FSIP1: variants seen among roughly 807,000 people sequenced by gnomAD.
FSIP1 encodes the protein fibrous sheath interacting protein 1.
Under a neutral mutation model 60.9 loss-of-function variants are expected in FSIP1, and 65 were observed. The ratio of observed to expected loss-of-function variants is 1.07; its 90% CI spans 0.87 to 1.31. The LOEUF (loss-of-function observed/expected upper bound fraction) is 1.31, where lower values mean the gene tolerates loss of function less well. Among genes scored for constraint, FSIP1 ranks in the 40% most tolerant of loss-of-function variants. The pLI, the probability that FSIP1 is intolerant of heterozygous loss-of-function variation, is 0.00. For missense variants in FSIP1, 675 were observed against 665.5 expected (o/e 1.01, Z -0.16); for synonymous variants, 209 against 221.2 (o/e 0.94, Z 0.49).
At chr15:39,770,405 A>T (rs200875392) in intron 3 of FSIP1, 22 bp downstream of exon 3, 2 of 1,507,058 alleles carry the variant, frequency 1.3e-6, no homozygotes, top group African/African-American at 1.4e-5. Context: ...ATCATTAGCC[A>T]ATCACCTAGT....
At chr15:39,703,992 T>C (rs1388044870) in intron 10 of FSIP1, among the ~76,000 whole-genome samples, 1 of 152,230 alleles carries the variant, frequency 6.6e-6, no homozygotes, top group Non-Finnish European at 1.5e-5. Context: ...CTGCATTAAA[T>C]GATGTAGAAA....
intron 5 of FSIP1, among the ~76,000 whole-genome samples, chr15:39,755,042 G>C (rs1169310330): frequency 6.6e-6 from 1 of 151,914 alleles, no homozygotes; most frequent in South Asian, 2.1e-4. Context: ...GGGAAACTGA[G>C]TGGTGTCTGT....
intron 10 of FSIP1, among the ~76,000 whole-genome samples, chr15:39,708,084 CT>C (rs1216153017): frequency 1.3e-5 from 2 of 152,198 alleles, no homozygotes; most frequent in Non-Finnish European, 2.9e-5. Flanking sequence ...CCCATTATCT[CT>C]TCATTCTAAC....
chr15:39,696,870 C>CTGTGTGTGTGTG (rs67940382), intron 10 of FSIP1, among the ~76,000 whole-genome samples: 2 of 111,838 alleles, frequency 1.8e-5, no homozygotes, highest in East Asian at 6.1e-4. Flanking sequence ...GAAGGGGTGT[C>CTGTGTGTGTGTG]TGTGTGTGTG....
chr15:39,765,314 C>G (rs1351148506), intron 4 of FSIP1, among the ~76,000 whole-genome samples: 9 of 142,856 alleles, frequency 6.3e-5, no homozygotes, highest in African/African-American at 2.1e-4. Context: ...ATCATAGCTA[C>G]TGCATAGCAT....
Position 39,713,540 on chromosome 15 carries a change from T to A in FSIP1, c.1092A>T (p.Pro364=). ...TGGTGTTCCTAAGTATCTTTTCTCC[T>A]GGAGTTACTTCCATATTTCTTTCAC... ...RDGERNMEVT[P]GEKILRNTKE... is the part of the protein sequence containing the mutation. The change falls in exon 10 of 12, where the codon CCA becomes CCT. Residue 364 remains proline, a synonymous_variant. Transcript: ENST00000350221. The A allele has an allele frequency of 6.2e-7, 1 of 1,607,866 alleles. No homozygotes were observed. The highest frequency in any genetic ancestry group is 8.5e-7 in the Non-Finnish European group (1 of 1,177,362).
chr15:39,763,970 T>C (rs2140703654), intron 4 of FSIP1, 56 bp from the exon 5 acceptor site: 1 of 942,174 alleles, frequency 1.1e-6, no homozygotes, highest in East Asian at 2.4e-5. Flanking sequence ...CTATAATCAT[T>C]GATTTTTTAA....
chr15:39,634,752 G>A (rs990367252), intron 10 of FSIP1, among the ~76,000 whole-genome samples: 3 of 152,182 alleles, frequency 2.0e-5, no homozygotes, highest in Non-Finnish European at 4.4e-5. Flanking sequence ...GTGAGGCATA[G>A]AGAATGAAGC....
chr15:39,726,303 G>T (rs1896191608), intron 9 of FSIP1, among the ~76,000 whole-genome samples: 1 of 152,152 alleles, frequency 6.6e-6, no homozygotes, highest in South Asian at 2.1e-4. Flanking sequence ...ACTCGTGAGT[G>T]CCATATCCGC....
At chr15:39,698,725 T>G (rs1365845124) in intron 10 of FSIP1, among the ~76,000 whole-genome samples, 2 of 152,196 alleles carry the variant, frequency 1.3e-5, no homozygotes, top group East Asian at 3.8e-4. Context: ...TCAAACTCGC[T>G]TCCCACAGGG....
At chr15:39,768,568 A>G (rs557696643) in intron 3 of FSIP1, among the ~76,000 whole-genome samples, 29 of 152,374 alleles carry the variant, frequency 1.9e-4, no homozygotes, top group African/African-American at 7.0e-4. Flanking sequence ...TATCTGGATG[A>G]AGGGAAGACA....
At chr15:39,633,383 C>T (rs998837388) in intron 10 of FSIP1, among the ~76,000 whole-genome samples, 7 of 152,108 alleles carry the variant, frequency 4.6e-5, no homozygotes, top group South Asian at 2.1e-4. Flanking sequence ...CCACTGCACT[C>T]GGCCTGGCTA....
intron 10 of FSIP1, among the ~76,000 whole-genome samples, chr15:39,646,056 T>A (rs970754752): frequency 2.0e-5 from 3 of 152,124 alleles, no homozygotes; most frequent in African/African-American, 7.2e-5. Context: ...ATAAAAGCTC[T>A]GTACTCAGCC....
At chr15:39,625,845 C>G (rs1359370135) in intron 10 of FSIP1, among the ~76,000 whole-genome samples, 2 of 152,200 alleles carry the variant, frequency 1.3e-5, no homozygotes, top group African/African-American at 4.8e-5. Flanking sequence ...ACCTACTCCA[C>G]CCCCTACTCC....
intron 10 of FSIP1, among the ~76,000 whole-genome samples, chr15:39,711,664 C>T (rs1315482696): frequency 6.7e-6 from 1 of 149,102 alleles, no homozygotes; most frequent in Non-Finnish European, 1.5e-5. Flanking sequence ...CACTTCCCTA[C>T]CATTCCTACT....
chr15:39,600,787 T>C lies in FSIP1; in HGVS notation c.*93A>G. ...GTCAAAATCAATAAAGAATAGTCTC[T>C]GCAGTGCATTCATTGAATTCAAATA... On this transcript the variant is annotated 3_prime_UTR_variant, in exon 12 of 12. Transcript: ENST00000350221. 2 of 901,134 alleles carry C rather than the reference T, an allele frequency of 2.2e-6. No individual in the cohort carries two copies. The highest frequency in any genetic ancestry group is 3.5e-6 in the Non-Finnish European group (2 of 569,156). 55.8% of individuals were successfully genotyped at this position (901,134 alleles called of 1,614,324 possible).
intron 10 of FSIP1, among the ~76,000 whole-genome samples, chr15:39,643,681 T>C (rs985153560): frequency 4.6e-5 from 7 of 152,250 alleles, no homozygotes; most frequent in African/African-American, 1.7e-4. Flanking sequence ...AATGTACTTC[T>C]TTCTTTTTGT....
chr15:39,597,468 C>T (rs572545509), downstream of FSIP1: 27 of 151,954 alleles, frequency 1.8e-4, no homozygotes, highest in Admixed American at 5.9e-4. Context: ...TATATTTATA[C>T]TTACTGTATC....
intron 10 of FSIP1, among the ~76,000 whole-genome samples, chr15:39,633,179 C>T (rs1223700032): frequency 6.6e-6 from 1 of 150,930 alleles, no homozygotes; most frequent in African/African-American, 2.5e-5. Context: ...CAACCTCCCC[C>T]TCCCGGGTTC....
Sources: allele counts gnomAD v4.1 joint callset (sites outside exome capture counted in the v4.1 genomes callset), GRCh38; gene constraint gnomAD v4.1.1; transcripts MANE v1.5; gene names NCBI Gene and HGNC (gene_info 2026-07-23, HGNC 2026-07-21).